The following KLC1 variants were observed in gnomAD, a reference collection of about 807,000 sequenced individuals.
KLC1 encodes kinesin 2 60/70kDa.
KLC1 carries 30 observed loss-of-function variants against 84.2 expected under a neutral mutation model. That is an observed-to-expected ratio of 0.36 (90% CI 0.27 to 0.48). The LOEUF is 0.48. KLC1 is among the 20% of genes least tolerant of loss of function. The pLI, the probability that KLC1 is intolerant of heterozygous loss-of-function variation, is 0.99. For synonymous variants in KLC1, 289 were observed against 293.3 expected, an observed-to-expected ratio of 0.99 and a Z score of 0.15; for missense variants, 499 against 805.4, an observed-to-expected ratio of 0.62 and a Z score of 4.60.
intron 3 of KLC1, among the ~76,000 whole-genome samples, chr14:103,660,663 G>A (rs1365944832): frequency 6.6e-6 from 1 of 151,228 alleles, no homozygotes; most frequent in East Asian, 2.0e-4. Flanking sequence ...GTGGTAGAGT[G>A]CACCTGTGGT....
Position 103,700,647 on chromosome 14 carries a change from A to T in KLC1, c.1849-8A>T. On this transcript the variant is annotated splice_region_variant and splice_polypyrimidine_tract_variant and intron_variant, in intron 15 of 16. Transcript: ENST00000334553. Reference sequence around the variant, plus strand: ...CCTGAGTGAAACTCGTCTGTGCTTCATCTCCAGGGCGTCTCTGGCCGAGCC... The same window carrying T: ...CCTGAGTGAAACTCGTCTGTGCTTCTTCTCCAGGGCGTCTCTGGCCGAGCC... 6.2e-7 allele frequency: 1 copy of T among 1,605,058 alleles called. No homozygotes were observed. Among genetic ancestry groups the T allele is most frequent in the Non-Finnish European group, 8.5e-7 (1 of 1,176,716 alleles).
At chr14:103,632,295 G>A (rs1433130548) in intron 1 of KLC1, among the ~76,000 whole-genome samples, 3 of 151,972 alleles carry the variant, frequency 2.0e-5, no homozygotes, top group Admixed American at 6.6e-5. Context: ...GTGTGGTGGT[G>A]CACACCTGTA....
At chr14:103,685,275 T>G (rs1225192996) in intron 13 of KLC1, 1 of 1,365,444 alleles carries the variant, frequency 7.3e-7, no homozygotes, top group Non-Finnish European at 9.4e-7. Flanking sequence ...AGCCTTTATT[T>G]TGGTCCCTAT....
chr14:103,692,498 C>A (rs901997663), intron 15 of KLC1, 73 bp downstream of exon 15: 1 of 1,325,684 alleles, frequency 7.5e-7, no homozygotes. Context: ...GACCCGCACT[C>A]GGCCCCTGCT....
chr14:103,695,211 C>T, intron 15 of KLC1: 2 of 808,516 alleles, frequency 2.5e-6, no homozygotes, highest in Non-Finnish European at 3.0e-6. Flanking sequence ...ATCCTATAAT[C>T]TTAGCACTTT....
chr14:103,694,560 C>G lies in KLC1; in HGVS notation c.1848+2135C>G, dbSNP rs2082312923. The stretch of plus-strand genomic sequence containing the variant: ...GCTGTATTTCTTAGCCGTCCACAAA[C>G]TAGTCCATAGGTAAAGAGCATACAA... On this transcript the variant is annotated intron_variant, in intron 15 of 16. Transcript: ENST00000334553. This position sits in a 1 kb window ranked among gnomAD's most constrained non-coding sequence, Gnocchi z 4.5. 2 of 985,358 alleles carry G rather than the reference C, an allele frequency of 2.0e-6. No homozygotes were observed. Among genetic ancestry groups the G allele is most frequent in the African/African-American group, 3.5e-5 (2 of 57,236 alleles). The allele number at this position is 985,358 out of a possible 1,614,324, so 61.0% of individuals were successfully genotyped here.
intron 1 of KLC1, among the ~76,000 whole-genome samples, chr14:103,646,113 A>G (rs898541003): frequency 1.3e-5 from 2 of 152,142 alleles, no homozygotes; most frequent in African/African-American, 4.8e-5. Flanking sequence ...ATTGACCAAA[A>G]TGTCATTATA....
intron 3 of KLC1, among the ~76,000 whole-genome samples, chr14:103,658,237 C>T (rs1456842739): frequency 1.3e-5 from 2 of 152,168 alleles, no homozygotes; most frequent in Non-Finnish European, 2.9e-5. Flanking sequence ...TCTGTATCTG[C>T]AGGGGAAGAA....
chr14:103,662,916 C>G lies in KLC1; in HGVS notation c.786C>G (p.Ala262=), dbSNP rs746973620. 3 of 1,611,512 alleles carry G rather than the reference C, an allele frequency of 1.9e-6. No homozygotes were observed. Among genetic ancestry groups the G allele is most frequent in the Non-Finnish European group, 2.5e-6 (3 of 1,178,988 alleles). ...TGGCCACCATGCTCAACATCCTGGC[C>G]TTGGTGTACAGGCTAGTCACTTTTG... ...PDVATMLNIL[A]LVYRDQNKYK... Residue 262 remains alanine (A), a synonymous_variant, in exon 5 of 17, where the codon GCC becomes GCG. Transcript: ENST00000334553.
At chr14:103,666,944 T>A (rs914262167) in intron 5 of KLC1, among the ~76,000 whole-genome samples, 4 of 150,184 alleles carry the variant, frequency 2.7e-5, no homozygotes, top group African/African-American at 9.8e-5. Flanking sequence ...GCCCAGCTAA[T>A]TTTTTTTATT....
At chr14:103,672,906 A>G in intron 7 of KLC1, 108 bp from the exon 8 acceptor site, 1 of 936,016 alleles carries the variant, frequency 1.1e-6, no homozygotes, top group African/African-American at 1.7e-5. Flanking sequence ...CTGAAAGTGT[A>G]GCACAGTCGT....
In KLC1 at chr14:103,642,930, G is replaced by A. The variant is rs925943408; in HGVS notation, c.-1-11634G>A. Among the ~76,000 whole-genome samples, 5 of 151,842 alleles carry A rather than the reference G, an allele frequency of 3.3e-5. No homozygotes were observed. In the East Asian group the frequency reaches 7.7e-4, roughly 24 times the overall value. ...ACAACAGGCGCACACCACCACGCCC[G>A]GCTAATTTTTTTGTATTTTTAGTAG... On this transcript the variant is annotated intron_variant, in intron 1 of 16. Transcript: ENST00000334553.
Position 103,679,532 on chromosome 14 carries a change from T to C in KLC1, c.1637T>C (p.Val546Ala). The C allele has an allele frequency of 6.2e-7, 1 of 1,613,734 alleles. No individual in the cohort carries two copies. The highest frequency in any genetic ancestry group is 8.5e-7 in the Non-Finnish European group (1 of 1,179,728). ...GGAGGGGAGGAAGTGAGTATGAGCG[T>C]AGAGTGGAACGGGGTAAGTACAGTA... The part of the protein sequence containing the change: ...PDGGEEVSMS[V>A]EWNGDGTGSL... The change falls in exon 13 of 17, where the codon GTA becomes GCA. Residue 546 changes from valine to alanine, a missense_variant. Coordinates refer to ENST00000334553, the MANE Select transcript of KLC1 (RefSeq NM_001394837.1).
chr14:103,684,728 G>T, intron 13 of KLC1: 1 of 467,132 alleles, frequency 2.1e-6, no homozygotes, highest in Non-Finnish European at 3.9e-6. Flanking sequence ...GCACGCGTGT[G>T]TGTGTGTGTC....
intron 1 of KLC1, among the ~76,000 whole-genome samples, chr14:103,649,301 A>G (rs2078199351): frequency 6.6e-6 from 1 of 152,070 alleles, no homozygotes; most frequent in African/African-American, 2.4e-5. Context: ...CCACAATACT[A>G]TATAATTGCA....
In KLC1 at chr14:103,649,136, T is replaced by TA. The variant is rs369926531; in HGVS notation, c.-1-5419dup. On this transcript the variant is annotated intron_variant, in intron 1 of 16. Transcript: ENST00000334553. ...TGGGTGATAGAATGAGAGCCTGTCT[T>TA]AAAAAAAAACAAAGAAACAGTACAG... Among the ~76,000 whole-genome samples the TA allele has an allele frequency of 4.7e-3, 706 of 150,320 alleles. 1 individual carries two copies. Among genetic ancestry groups the TA allele is most frequent in the Non-Finnish European group, 6.9e-3 (463 of 67,514 alleles).
At position 103,694,656 on chromosome 14, in the gene KLC1, A is replaced by G; in HGVS notation, c.1848+2231A>G. 1 of 985,416 alleles carries G rather than the reference A, an allele frequency of 1.0e-6. No individual in the cohort carries two copies. The highest frequency in any genetic ancestry group is 1.2e-6 in the Non-Finnish European group (1 of 829,920). The allele number at this position is 985,416 out of a possible 1,614,324, so 61.0% of individuals were successfully genotyped here. On this transcript the variant is annotated intron_variant, in intron 15 of 16. Coordinates refer to ENST00000334553, the MANE Select transcript of KLC1 (RefSeq NM_001394837.1). This position sits in a 1 kb window ranked among gnomAD's most constrained non-coding sequence, Gnocchi z 4.5. Reference sequence around the variant, plus strand: ...AGCGCCACCTCCATGCCAGCCAACTAGGCTACGGGATGGAGGGGCGGTCTG... The same window carrying G: ...AGCGCCACCTCCATGCCAGCCAACTGGGCTACGGGATGGAGGGGCGGTCTG...
intron 1 of KLC1, among the ~76,000 whole-genome samples, chr14:103,652,797 T>C (rs978735980): frequency 2.0e-5 from 3 of 152,200 alleles, no homozygotes; most frequent in Non-Finnish European, 2.9e-5. Flanking sequence ...GGTCGGCGTT[T>C]GTTGTTTTGT....
chr14:103,669,852 G>T (rs963160316), intron 6 of KLC1, among the ~76,000 whole-genome samples: 24 of 152,134 alleles, frequency 1.6e-4, no homozygotes, highest in Non-Finnish European at 5.9e-5. Context: ...TGTCCTTCTA[G>T]AAATTTTTTT....
Sources: allele counts gnomAD v4.1 joint callset (sites outside exome capture counted in the v4.1 genomes callset), GRCh38; gene constraint gnomAD v4.1.1; non-coding constraint Gnocchi (gnomAD v3.1); transcripts MANE v1.5; gene names NCBI Gene and HGNC (gene_info 2026-07-23, HGNC 2026-07-21).